MICU1: variants seen among roughly 807,000 people sequenced by gnomAD.
The protein encoded by MICU1 is calcium uptake protein 1, mitochondrial.
A neutral mutation model predicts 56.8 loss-of-function variants in MICU1; 45 were observed. That is an observed-to-expected ratio of 0.79 (90% CI 0.62 to 1.02). The LOEUF (loss-of-function observed/expected upper bound fraction) is 1.02, where lower values mean the gene tolerates loss of function less well. Among genes scored for constraint, MICU1 ranks in the 50% least tolerant of loss-of-function variants. The probability of loss-of-function intolerance (pLI) is 0.00; values close to 1 mark genes in which losing one functional copy is unlikely to be tolerated. For missense variants in MICU1, 504 were observed against 587.1 expected (o/e 0.86, Z 1.46); for synonymous variants, 186 against 195.1 (o/e 0.95, Z 0.39).
At chr10:72,593,966 C>T (rs753654858) in intron 1 of MICU1, among the ~76,000 whole-genome samples, 1 of 152,188 alleles carries the variant, frequency 6.6e-6, no homozygotes, top group Non-Finnish European at 1.5e-5. Flanking sequence ...AGATTCAATG[C>T]AATCCCATCA....
chr10:72,447,154 T>C (rs557676256), intron 8 of MICU1, among the ~76,000 whole-genome samples: 3 of 152,296 alleles, frequency 2.0e-5, no homozygotes, highest in African/African-American at 7.2e-5. Flanking sequence ...TGCAAAGGTT[T>C]ACGGAAACAG....
At chr10:72,523,044 C>G (rs1455802682) in intron 5 of MICU1, among the ~76,000 whole-genome samples, 1 of 152,158 alleles carries the variant, frequency 6.6e-6, no homozygotes, top group African/African-American at 2.4e-5. Context: ...GTTTTGTCAC[C>G]TAGTGTGGTT....
At chr10:72,418,484 C>T (rs1284004002) in intron 9 of MICU1, among the ~76,000 whole-genome samples, 2 of 152,148 alleles carry the variant, frequency 1.3e-5, no homozygotes, top group South Asian at 2.1e-4. Flanking sequence ...GGATTTTAGA[C>T]CAGACTCTGA....
chr10:72,376,089 A>G (rs1862509795), intron 10 of MICU1, among the ~76,000 whole-genome samples: 1 of 152,036 alleles, frequency 6.6e-6, no homozygotes, highest in Non-Finnish European at 1.5e-5. Context: ...CCAGAACTTC[A>G]AGACCAGCCT....
intron 10 of MICU1, among the ~76,000 whole-genome samples, chr10:72,398,545 G>A (rs1015453080): frequency 6.6e-6 from 1 of 151,724 alleles, no homozygotes; most frequent in Non-Finnish European, 1.5e-5. Context: ...TAGACAGCTA[G>A]CAAGACTAAT....
At chr10:72,623,391 A>C (rs945717212) in intron 1 of MICU1, among the ~76,000 whole-genome samples, 1 of 151,962 alleles carries the variant, frequency 6.6e-6, no homozygotes, top group Non-Finnish European at 1.5e-5. Flanking sequence ...AAGAAAAGAA[A>C]AGAAAGAAAA....
intron 8 of MICU1, among the ~76,000 whole-genome samples, chr10:72,440,001 C>G (rs1272819255): frequency 6.6e-6 from 1 of 152,110 alleles, no homozygotes; most frequent in Non-Finnish European, 1.5e-5. Context: ...TCAATGCCAT[C>G]CCCATGAAGC....
At chr10:72,424,404 T>C (rs56162700) in intron 8 of MICU1, among the ~76,000 whole-genome samples, 6,806 of 152,188 alleles carry the variant, frequency 0.045, 418 homozygotes, top group East Asian at 0.19. Flanking sequence ...TGAACCACCA[T>C]GGCTGGCCTA....
At chr10:72,449,168 C>A (rs556625107) in intron 8 of MICU1, among the ~76,000 whole-genome samples, 5 of 152,154 alleles carry the variant, frequency 3.3e-5, no homozygotes, top group African/African-American at 1.2e-4. Context: ...GAGGCTGAGG[C>A]GGGCAGATCA....
chr10:72,462,599 C>A (rs537372212), intron 8 of MICU1, among the ~76,000 whole-genome samples: 2 of 152,322 alleles, frequency 1.3e-5, no homozygotes, highest in Non-Finnish European at 2.9e-5. Flanking sequence ...AGATGAAACA[C>A]TGAACTATAA....
intron 9 of MICU1, among the ~76,000 whole-genome samples, chr10:72,412,506 T>C (rs1863848518): frequency 6.6e-6 from 1 of 152,180 alleles, no homozygotes; most frequent in Non-Finnish European, 1.5e-5. Context: ...TGCTGAAAAA[T>C]GAATTTAACA....
intron 5 of MICU1, among the ~76,000 whole-genome samples, chr10:72,512,097 G>GTTTTTTTTTTTTTTTTTTT (rs1867471926): frequency 1.2e-4 from 12 of 100,708 alleles, no homozygotes; most frequent in African/African-American, 4.6e-4. Flanking sequence ...TCCATACACA[G>GTTTTTTTTTTTTTTTTTTT]TTGTTTTTTG....
At chr10:72,391,577 T>G (rs145578731) in intron 10 of MICU1, among the ~76,000 whole-genome samples, 2 of 152,220 alleles carry the variant, frequency 1.3e-5, no homozygotes, top group Non-Finnish European at 2.9e-5. Flanking sequence ...AGGTATTATA[T>G]GTAATCTTGA....
At chr10:72,419,313 A>G (rs12357181) in intron 9 of MICU1, among the ~76,000 whole-genome samples, 79,238 of 152,078 alleles carry the variant, frequency 0.52, 22,160 homozygotes, top group Non-Finnish European at 0.65. Context: ...CAACAGATAT[A>G]AGCTAAGTAT....
At chr10:72,469,482 C>T (rs1865888484) in intron 8 of MICU1, among the ~76,000 whole-genome samples, 1 of 152,170 alleles carries the variant, frequency 6.6e-6, no homozygotes, top group South Asian at 2.1e-4. Context: ...ATTACCCAAA[C>T]TTAGAAAAGT....
rs1004253242 is a variant in MICU1, at chr10:72,368,062, G to A, written c.*133C>T. 7.3e-6 allele frequency: 7 copies of A among 956,132 alleles called. No homozygotes were observed. Among genetic ancestry groups the A allele is most frequent in the Admixed American group, 2.8e-5 (1 of 35,552 alleles). The allele number at this position is 956,132 out of a possible 1,614,324, so 59.2% of individuals were successfully genotyped here. On this transcript the variant is annotated 3_prime_UTR_variant, in exon 12 of 12. Coordinates refer to ENST00000361114, the MANE Select transcript of MICU1 (RefSeq NM_001195518.2). Reference sequence around the variant, plus strand: ...CGGGGAAGGGTAAAGAGGGGAAACCGACAGAGTCCTGAGGTCATCCCGGGA... The same window carrying A: ...CGGGGAAGGGTAAAGAGGGGAAACCAACAGAGTCCTGAGGTCATCCCGGGA...
intron 9 of MICU1, among the ~76,000 whole-genome samples, chr10:72,420,950 C>A (rs1398455289): frequency 2.1e-5 from 3 of 141,214 alleles, no homozygotes; most frequent in Non-Finnish European, 4.5e-5. Flanking sequence ...TGCGATGAGC[C>A]GAGATCACGC....
At chr10:72,458,025 C>T (rs750184842) in intron 8 of MICU1, among the ~76,000 whole-genome samples, 1 of 151,666 alleles carries the variant, frequency 6.6e-6, no homozygotes, top group Non-Finnish European at 1.5e-5. Flanking sequence ...AAATTAGCCA[C>T]GCGTGGTGGC....
At chr10:72,586,131 C>G (rs7905583) in intron 1 of MICU1, among the ~76,000 whole-genome samples, 80,546 of 149,172 alleles carry the variant, frequency 0.54, 22,876 homozygotes, top group Non-Finnish European at 0.63. Context: ...TCTCCTGACT[C>G]AGCCTCCAAG....
Sources: gnomAD v4.1 joint callset for allele counts (sites outside exome capture counted in the v4.1 genomes callset) on GRCh38, gnomAD v4.1.1 for gene constraint, MANE v1.5 for transcripts, NCBI Gene and HGNC (gene_info 2026-07-23, HGNC 2026-07-21) for gene names.